Variants in VIRMA observed in about 807,000 individuals in gnomAD.
The protein encoded by VIRMA is vir like m6A methyltransferase associated, also known as protein virilizer homolog.
In VIRMA, 65 loss-of-function variants were observed where a neutral mutation model predicts 182.4. That is an observed-to-expected ratio of 0.36 (90% CI 0.29 to 0.44). VIRMA has a LOEUF of 0.44. Ranked by LOEUF, VIRMA falls within the 20% of genes least tolerant of loss-of-function variation. The probability of loss-of-function intolerance (pLI) is 1.00; values close to 1 mark genes in which losing one functional copy is unlikely to be tolerated. For synonymous variants in VIRMA, 709 were observed against 743.1 expected (o/e 0.95, Z 0.75); for missense variants, 1,752 against 2,158.1 (o/e 0.81, Z 3.73).
chr8:94,501,892 A>AT (rs1244324244), intron 16 of VIRMA, among the ~76,000 whole-genome samples: 1 of 152,196 alleles, frequency 6.6e-6, no homozygotes, highest in Non-Finnish European at 1.5e-5. Context: ...ATTCAGTAGA[A>AT]TGTATATTCT....
intron 1 of VIRMA, among the ~76,000 whole-genome samples, chr8:94,548,240 A>C (rs1449968120): frequency 6.6e-6 from 1 of 151,026 alleles, no homozygotes. Flanking sequence ...TAAAAAAATA[A>C]GCTTACTTTT....
At chr8:94,494,753 G>C in intron 20 of VIRMA, 107 bp downstream of exon 20, 2 of 682,462 alleles carry the variant, frequency 2.9e-6, no homozygotes, top group Non-Finnish European at 4.9e-6. Flanking sequence ...TTGCTTCCAA[G>C]TAGACTTTAA....
At chr8:94,520,283 G>T (rs3133642) in intron 8 of VIRMA, among the ~76,000 whole-genome samples, 18,160 of 151,076 alleles carry the variant, frequency 0.12, 1,584 homozygotes, top group African/African-American at 0.24. Flanking sequence ...TCACTTGAGC[G>T]CAGTAATTTC....
intron 1 of VIRMA, among the ~76,000 whole-genome samples, chr8:94,553,123 G>A (rs941092087): frequency 5.9e-5 from 9 of 151,956 alleles, no homozygotes; most frequent in African/African-American, 1.9e-4. Flanking sequence ...AACCTGACAG[G>A]AAAAATAAAA....
intron 5 of VIRMA, among the ~76,000 whole-genome samples, chr8:94,531,731 CA>C (rs1382671145): frequency 1.3e-5 from 2 of 151,834 alleles, no homozygotes; most frequent in Non-Finnish European, 2.9e-5. Context: ...GTTTTCATGC[CA>C]AAAAAATAAG....
At chr8:94,541,632 C>G (rs537308550) in intron 2 of VIRMA, among the ~76,000 whole-genome samples, 1 of 152,018 alleles carries the variant, frequency 6.6e-6, no homozygotes, top group African/African-American at 2.4e-5. Context: ...ACCTCCACCC[C>G]CCAGGTTCAG....
chr8:94,538,993 C>T (rs1219320654), intron 2 of VIRMA, among the ~76,000 whole-genome samples: 1 of 152,050 alleles, frequency 6.6e-6, no homozygotes, highest in African/African-American at 2.4e-5. Context: ...CCTCGAGCTC[C>T]CAGACTCAAA....
At chr8:94,520,952 A>T (rs3133644) in intron 8 of VIRMA, among the ~76,000 whole-genome samples, 24,361 of 152,150 alleles carry the variant, frequency 0.16, 2,360 homozygotes, top group African/African-American at 0.27. Flanking sequence ...GGCTGGACTC[A>T]AACTCCTGGT....
chr8:94,510,989 A>C, intron 13 of VIRMA, 196 bp downstream of exon 13: 1 of 1,386,790 alleles, frequency 7.2e-7, no homozygotes, highest in Non-Finnish European at 9.3e-7. Flanking sequence ...CACTTTAACA[A>C]AAATTTATTT....
Position 94,511,651 on chromosome 8 carries a change from A to G in VIRMA, c.2924T>C (p.Val975Ala). 1.2e-6 allele frequency: 2 copies of G among 1,614,110 alleles called. No homozygotes were observed. The highest frequency in any genetic ancestry group is 1.7e-6 in the Non-Finnish European group (2 of 1,179,976). ...CAGAATACTGTTCAATTTTTGCAGAACTCGAATAAACGTGTCCATTCCTTC... is the reference window on the plus strand; with the variant it reads ...CAGAATACTGTTCAATTTTTGCAGAGCTCGAATAAACGTGTCCATTCCTTC... ...SAEGMDTFIRVLQKLNSILTQ... is the reference protein window; with the variant it reads ...SAEGMDTFIRALQKLNSILTQ... Residue 975 changes from valine (V) to alanine (A), a missense_variant, in exon 13 of 24, where the codon GTT becomes GCT. Val to Ala is a moderately conservative substitution (Grantham distance 64). Transcript: ENST00000297591.
rs560024579 is a variant in VIRMA, at chr8:94,538,116, C to T, written c.266+144G>A. 2.7e-5 allele frequency: 17 copies of T among 627,298 alleles called. 1 individual carries two copies. The highest frequency in any genetic ancestry group is 2.6e-4 in the South Asian group (13 of 49,304). 38.9% of individuals were successfully genotyped at this position (627,298 alleles called of 1,614,324 possible). On this transcript the variant is annotated intron_variant, in intron 3 of 23. Coordinates refer to ENST00000297591, the MANE Select transcript of VIRMA (RefSeq NM_015496.5). ...GCATCTCCTTAGGAGTTTGACATTT[C>T]TTTAATACCACCATGACACAATTAA...
intron 13 of VIRMA, chr8:94,510,868 G>T: frequency 1.2e-6 from 1 of 866,958 alleles, no homozygotes; most frequent in Non-Finnish European, 1.7e-6. Context: ...GAGTCCATTG[G>T]TGAAGCAATC....
At chr8:94,499,322 C>T in intron 17 of VIRMA, 52 bp downstream of exon 17, 6 of 1,295,988 alleles carry the variant, frequency 4.6e-6, no homozygotes, top group Non-Finnish European at 5.2e-6. Context: ...ATTTAAGAAA[C>T]ACCAAATACA....
At chr8:94,507,953 A>G (rs910544876) in intron 15 of VIRMA, among the ~76,000 whole-genome samples, 5 of 148,854 alleles carry the variant, frequency 3.4e-5, no homozygotes, top group Non-Finnish European at 5.9e-5. Flanking sequence ...ATGTGTATAT[A>G]TGTATATACA....
rs576763750 is a variant in VIRMA at position 94,535,693 on chromosome 8, T to C, written c.316-686A>G. On this transcript the variant is annotated intron_variant, in intron 4 of 23. Coordinates refer to ENST00000297591, the MANE Select transcript of VIRMA (RefSeq NM_015496.5). ...ATACTCAGGAGACTGAGGGAGAGAA[T>C]TGCTTGAACCCAGGAGGCGGAGGCT... Among the ~76,000 whole-genome samples the C allele has an allele frequency of 9.8e-4, 149 of 151,890 alleles. 1 individual carries two copies. The South Asian group carries it at 0.011, about 11-fold the overall frequency.
intron 11 of VIRMA, 156 bp from the exon 12 acceptor site, chr8:94,512,245 C>A: frequency 3.1e-6 from 1 of 324,056 alleles, no homozygotes; most frequent in Non-Finnish European, 5.5e-6. Flanking sequence ...GAACAAGGCC[C>A]TAGAGTTAAA....
chr8:94,511,504 C>G lies in VIRMA; in HGVS notation c.3071G>C (p.Gly1024Ala), dbSNP rs1258298023. ...KTMLTELLRG[G>A]SFEFKDMRVP... Reference sequence around the variant, plus strand: ...ACGCATGTCCTTAAACTCAAAGGATCCACCTCTCAGGAGTTCCGTTAACAT... The same window carrying G: ...ACGCATGTCCTTAAACTCAAAGGATGCACCTCTCAGGAGTTCCGTTAACAT... Residue 1024 changes from glycine (G) to alanine (A), a missense_variant, in exon 13 of 24, where the codon GGA becomes GCA. Gly to Ala is a moderately conservative substitution (Grantham distance 60). This residue lies in a region of VIRMA where 777 missense variants were observed against 920.6 expected (regional missense o/e 0.84). Coordinates refer to ENST00000297591, the MANE Select transcript of VIRMA (RefSeq NM_015496.5). The G allele has an allele frequency of 6.2e-7, 1 of 1,613,970 alleles. No individual in the cohort carries two copies. The highest frequency in any genetic ancestry group is 8.5e-7 in the Non-Finnish European group (1 of 1,180,002).
intron 5 of VIRMA, among the ~76,000 whole-genome samples, chr8:94,531,625 C>T (rs571463186): frequency 1.3e-5 from 2 of 152,170 alleles, no homozygotes; most frequent in Non-Finnish European, 2.9e-5. Flanking sequence ...GCTAATTAAT[C>T]TATATTGGTA....
At chr8:94,516,193 A>G (rs1814557142) in intron 10 of VIRMA, among the ~76,000 whole-genome samples, 1 of 152,142 alleles carries the variant, frequency 6.6e-6, no homozygotes, top group Non-Finnish European at 1.5e-5. Context: ...ACTGCCTCTC[A>G]CACCCACCCA....
Sources: allele counts gnomAD v4.1 joint callset (sites outside exome capture counted in the v4.1 genomes callset), GRCh38; gene constraint gnomAD v4.1.1; regional missense constraint gnomAD v4.1.1; transcripts MANE v1.5; gene names NCBI Gene and HGNC (gene_info 2026-07-23, HGNC 2026-07-21).